Variants in CALCRL observed in about 807,000 individuals in gnomAD.
CALCRL encodes the protein calcitonin receptor like receptor, also known as calcitonin gene-related peptide type 1 receptor.
A neutral mutation model predicts 60.4 loss-of-function variants in CALCRL; 27 were observed. The observed-to-expected ratio is 0.45, with a 90% confidence interval of 0.33 to 0.62. The LOEUF is 0.62. Among genes scored for constraint, CALCRL ranks in the 20% least tolerant of loss-of-function variants. The probability of loss-of-function intolerance (pLI) is 0.03; values close to 1 mark genes in which losing one functional copy is unlikely to be tolerated. For synonymous variants in CALCRL, 190 were observed against 182.6 expected (o/e 1.04, Z -0.33); for missense variants, 424 against 540.7 (o/e 0.78, Z 2.14).
chr2:187,388,201 G>T (rs1377565804), intron 1 of CALCRL, among the ~76,000 whole-genome samples: 2 of 151,166 alleles, frequency 1.3e-5, no homozygotes, highest in African/African-American at 4.9e-5. Context: ...AAATTATACT[G>T]CCTTTAAAAA....
intron 1 of CALCRL, 68 bp from the exon 2 acceptor site, chr2:187,387,824 A>G (rs1688270136): frequency 2.6e-6 from 1 of 382,238 alleles, no homozygotes; most frequent in Non-Finnish European, 4.6e-6. Context: ...ATGATAAATT[A>G]AAAACTTCAA....
At chr2:187,364,858 G>T (rs1687208987) in intron 8 of CALCRL, among the ~76,000 whole-genome samples, 1 of 152,166 alleles carries the variant, frequency 6.6e-6, no homozygotes, top group Non-Finnish European at 1.5e-5. Flanking sequence ...TGGAATGATT[G>T]CTGAGTGTGT....
rs185976625 is a variant in CALCRL at position 187,426,848 on chromosome 2, C to T, written c.-293+21191G>A. Among the ~76,000 whole-genome samples the T allele has an allele frequency of 4.7e-3, 711 of 152,150 alleles. 5 individuals are homozygous for T. The highest frequency in any genetic ancestry group is 0.016 in the African/African-American group (678 of 41,538). ...TGGTTTTAAAGTTTACACTCAAGAT[C>T]AAAATGCATTATTATAGACTTTGAT... On this transcript the variant is annotated intron_variant, in intron 1 of 14. Transcript: ENST00000392370.
At chr2:187,401,356 C>A (rs2105824565) in intron 1 of CALCRL, among the ~76,000 whole-genome samples, 2 of 151,744 alleles carry the variant, frequency 1.3e-5, no homozygotes, top group Middle Eastern at 6.8e-3. Context: ...GCATATCATG[C>A]ATGTAAACTC....
At chr2:187,444,950 T>A (rs1691104578) in intron 1 of CALCRL, among the ~76,000 whole-genome samples, 1 of 151,552 alleles carries the variant, frequency 6.6e-6, no homozygotes. Context: ...ATTTTCCACC[T>A]ATTTGCATCA....
chr2:187,374,314 A>G (rs1687652526), intron 8 of CALCRL, among the ~76,000 whole-genome samples: 1 of 152,200 alleles, frequency 6.6e-6, no homozygotes, highest in Non-Finnish European at 1.5e-5. Context: ...ATAATAAAGG[A>G]AAATTTGCAG....
chr2:187,347,309 T>C (rs768102764), intron 14 of CALCRL, among the ~76,000 whole-genome samples: 11 of 151,896 alleles, frequency 7.2e-5, no homozygotes, highest in Middle Eastern at 3.4e-3. Flanking sequence ...AGCAGCCTGC[T>C]TTTAGGTTAT....
chr2:187,371,178 C>G (rs2105756045), intron 8 of CALCRL, among the ~76,000 whole-genome samples: 1 of 151,568 alleles, frequency 6.6e-6, no homozygotes, highest in African/African-American at 2.4e-5. Flanking sequence ...TGGGCGGGAG[C>G]TTGCAGTGAG....
chr2:187,433,146 C>G (rs1244349376), intron 1 of CALCRL, among the ~76,000 whole-genome samples: 2 of 152,034 alleles, frequency 1.3e-5, no homozygotes, highest in Non-Finnish European at 2.9e-5. Flanking sequence ...TTAGTCTCAG[C>G]CTTTATTGGC....
intron 1 of CALCRL, among the ~76,000 whole-genome samples, chr2:187,401,213 T>C (rs1688875016): frequency 6.6e-6 from 1 of 151,578 alleles, no homozygotes; most frequent in African/African-American, 2.4e-5. Flanking sequence ...AGGCCATGTG[T>C]ATCTAAGGAA....
intron 1 of CALCRL, among the ~76,000 whole-genome samples, chr2:187,437,508 GA>G (rs1690697118): frequency 6.6e-6 from 1 of 152,002 alleles, no homozygotes; most frequent in Admixed American, 6.6e-5. Context: ...ATTCAGATTA[GA>G]AATTTCCACT....
At chr2:187,373,762 T>C (rs1687629632) in intron 8 of CALCRL, among the ~76,000 whole-genome samples, 1 of 152,200 alleles carries the variant, frequency 6.6e-6, no homozygotes, top group Admixed American at 6.6e-5. Flanking sequence ...ATGATCTGCA[T>C]TTTTAATATG....
At chr2:187,371,275 T>G (rs1345377802) in intron 8 of CALCRL, among the ~76,000 whole-genome samples, 1 of 151,204 alleles carries the variant, frequency 6.6e-6, no homozygotes, top group East Asian at 2.0e-4. Context: ...TAATATCTAA[T>G]GTAAAGCCTG....
Position 187,448,153 on chromosome 2 carries a change from T to C in CALCRL, c.-407A>G, listed in dbSNP as rs1475222672. 6.6e-6 allele frequency: 1 copy of C among 151,842 alleles called. No individual in the cohort carries two copies. The highest frequency in any genetic ancestry group is 1.5e-5 in the Non-Finnish European group (1 of 67,940). The allele number at this position is 151,842 out of a possible 1,614,324, so 9.4% of individuals were successfully genotyped here. On this transcript the variant is annotated 5_prime_UTR_variant, in exon 1 of 15. Coordinates refer to ENST00000392370, the MANE Select transcript of CALCRL (RefSeq NM_005795.6). ...GCAAGGTGGGAAAGAGTGAAAGCTT[T>C]GCAATGTGATCCTGCAATTAGGATG...
At chr2:187,383,101 T>A in intron 5 of CALCRL, 72 bp downstream of exon 5, 4 of 1,450,044 alleles carry the variant, frequency 2.8e-6, no homozygotes, top group Non-Finnish European at 3.8e-6. Context: ...AAAGCACTTA[T>A]AATGATATAA....
Position 187,359,904 on chromosome 2 carries a change from A to AGAT in CALCRL, c.782-635_782-633dup, listed in dbSNP as rs528759066. Among the ~76,000 whole-genome samples, 43 of 151,774 alleles carry AGAT rather than the reference A, an allele frequency of 2.8e-4. No individual in the cohort carries two copies. In the South Asian group the frequency reaches 8.1e-3, roughly 29 times the overall value. Reference sequence around the variant, plus strand: ...TGTATATGTATTTCTTTCTAGATATAGATAGTTTAGATAGATGATAGAGAT... The same window carrying AGAT: ...TGTATATGTATTTCTTTCTAGATATAGATGATAGTTTAGATAGATGATAGAGAT... On this transcript the variant is annotated intron_variant, in intron 10 of 14. Coordinates refer to ENST00000392370, the MANE Select transcript of CALCRL (RefSeq NM_005795.6).
At position 187,352,618 on chromosome 2, in the gene CALCRL, C is replaced by A. The variant is rs113697676; in HGVS notation, c.910-286G>T. Among the ~76,000 whole-genome samples, 293 of 151,838 alleles carry A rather than the reference C, an allele frequency of 1.9e-3. 1 individual carries two copies. Among genetic ancestry groups the A allele is most frequent in the African/African-American group, 6.7e-3 (279 of 41,472 alleles). ...AAGAATATTTCAGTTTTTCTCAGCT[C>A]ATTTTCACGTGCAATTAAAAAAATC... is the stretch of plus-strand genomic sequence containing the variant. On this transcript the variant is annotated intron_variant, in intron 12 of 14. Coordinates refer to ENST00000392370, the MANE Select transcript of CALCRL (RefSeq NM_005795.6).
intron 8 of CALCRL, among the ~76,000 whole-genome samples, chr2:187,375,643 G>T (rs1049477914): frequency 6.6e-6 from 1 of 151,964 alleles, no homozygotes; most frequent in Non-Finnish European, 1.5e-5. Context: ...TAAAAAATTG[G>T]CCTATTTATA....
At chr2:187,435,174 G>A (rs1480704687) in intron 1 of CALCRL, among the ~76,000 whole-genome samples, 4 of 152,134 alleles carry the variant, frequency 2.6e-5, no homozygotes, top group South Asian at 2.1e-4. Context: ...ATTGGCTCAC[G>A]GTTCTGCAGG....
Sources: gnomAD v4.1 joint callset for allele counts (sites outside exome capture counted in the v4.1 genomes callset) on GRCh38, gnomAD v4.1.1 for gene constraint, MANE v1.5 for transcripts, NCBI Gene and HGNC (gene_info 2026-07-23, HGNC 2026-07-21) for gene names.